Variants in PCDHGB1 observed in about 807,000 individuals in gnomAD.
PCDHGB1 encodes protocadherin gamma subfamily B, 1.
In PCDHGB1, 34 loss-of-function variants were observed where a neutral mutation model predicts 56.6. That is an observed-to-expected ratio of 0.60 (90% confidence interval 0.46 to 0.80). PCDHGB1 has a LOEUF of 0.80. Among genes scored for constraint, PCDHGB1 ranks in the 30% least tolerant of loss-of-function variants. PCDHGB1 has a pLI of 0.00. For synonymous variants in PCDHGB1, 561 were observed against 505.9 expected (o/e 1.11, Z -1.46); for missense variants, 1,278 against 1,204.6 (o/e 1.06, Z -0.90).
At chr5:141,499,835 C>T (rs931946377) in intron 2 of PCDHGB1, among the ~76,000 whole-genome samples, 2 of 151,916 alleles carry the variant, frequency 1.3e-5, no homozygotes, top group Admixed American at 6.6e-5. Flanking sequence ...TACAGGTGTG[C>T]ACCACCACAC....
At chr5:141,423,750 T>TGGGG (rs144521096) in intron 1 of PCDHGB1, 28 of 288,222 alleles carry the variant, frequency 9.7e-5, no homozygotes, top group Non-Finnish European at 1.2e-4. Flanking sequence ...GAAAACTGTT[T>TGGGG]GGGGGGGGGG....
intron 1 of PCDHGB1, chr5:141,403,819 T>A (rs1264553327): frequency 1.2e-6 from 2 of 1,613,784 alleles, no homozygotes; most frequent in Admixed American, 3.3e-5. Flanking sequence ...AAAAACAATC[T>A]CTGCTATTCC....
At chr5:141,371,657 G>A in intron 1 of PCDHGB1, 1 of 1,613,988 alleles carries the variant, frequency 6.2e-7, no homozygotes, top group Non-Finnish European at 8.5e-7. Context: ...ACAATGTGAC[G>A]ATCACAGCTA....
chr5:141,364,378 C>T (rs1453338344), intron 1 of PCDHGB1: 2 of 1,578,948 alleles, frequency 1.3e-6, no homozygotes, highest in Admixed American at 1.9e-5. Context: ...TGCTGCTGCC[C>T]TTCATGCTCC....
At chr5:141,456,984 C>T (rs374156327) in intron 1 of PCDHGB1, among the ~76,000 whole-genome samples, 1 of 152,082 alleles carries the variant, frequency 6.6e-6, no homozygotes, top group Admixed American at 6.6e-5. Flanking sequence ...AACAAACAAA[C>T]AAACAAAAAC....
In PCDHGB1 at chr5:141,476,299, C is replaced by G; in HGVS notation, c.2410-18508C>G. On this transcript the variant is annotated intron_variant, in intron 1 of 3. Transcript: ENST00000523390. This position sits in a 1 kb window ranked among gnomAD's most constrained non-coding sequence, Gnocchi z 7.6. The stretch of plus-strand genomic sequence containing the variant: ...ACCTTGGTTTGGATCTCGGTAGCCT[C>G]TCAGCCCGCAGGTTCCGGGTGGTGT... The G allele has an allele frequency of 6.2e-7, 1 of 1,614,100 alleles. No individual in the cohort carries two copies. The highest frequency in any genetic ancestry group is 8.5e-7 in the Non-Finnish European group (1 of 1,180,014).
At chr5:141,360,924 A>G (rs1475518154) in intron 1 of PCDHGB1, 3 of 1,614,006 alleles carry the variant, frequency 1.9e-6, no homozygotes, top group South Asian at 2.2e-5. Flanking sequence ...TTGTGCTTCA[A>G]GTGACAGCCA....
intron 1 of PCDHGB1, chr5:141,409,807 C>T (rs1561723178): frequency 1.2e-6 from 2 of 1,611,592 alleles, no homozygotes; most frequent in Non-Finnish European, 1.7e-6. Flanking sequence ...TGCAGGCCCG[C>T]GACCACGGCT....
chr5:141,403,717 G>GC (rs1561689685), intron 1 of PCDHGB1: 2 of 1,613,936 alleles, frequency 1.2e-6, no homozygotes, highest in South Asian at 2.2e-5. Flanking sequence ...TTGAGAACGT[G>GC]CCCCCAGGCA....
intron 1 of PCDHGB1, among the ~76,000 whole-genome samples, chr5:141,386,991 A>G (rs1218503150): frequency 6.6e-6 from 1 of 152,212 alleles, no homozygotes; most frequent in Non-Finnish European, 1.5e-5. Context: ...GAGGCTATGT[A>G]TTATCCCCCT....
Position 141,477,827 on chromosome 5 carries a change from C to T in PCDHGB1, c.2410-16980C>T, listed in dbSNP as rs2099419143. On this transcript the variant is annotated intron_variant, in intron 1 of 3. Coordinates refer to ENST00000523390, the MANE Select transcript of PCDHGB1 (RefSeq NM_018922.3). The surrounding 1 kb of genome is among the most constrained non-coding windows in gnomAD (Gnocchi z 4.9). ...CAATGCCCCCCAGGTCCTATATCCT[C>T]GGCCAGGTGGGAGCTCGGTGGAGAT... The T allele has an allele frequency of 1.2e-6, 2 of 1,614,038 alleles. No individual in the cohort carries two copies. Among genetic ancestry groups the T allele is most frequent in the African/African-American group, 1.3e-5 (1 of 74,928 alleles).
At chr5:141,460,341 C>T (rs557699438) in intron 1 of PCDHGB1, among the ~76,000 whole-genome samples, 39 of 152,110 alleles carry the variant, frequency 2.6e-4, no homozygotes, top group Admixed American at 2.4e-3. Flanking sequence ...ATGATTTTCT[C>T]CTATATTTTC....
At position 141,382,966 on chromosome 5, in the gene PCDHGB1, C is replaced by A. The variant is rs36077896; in HGVS notation, c.2409+30297C>A. ...CCTGCTCTCCATCCTCCTGGGGACC[C>A]CCTGGGAAGCCTGGGCAGGACGTAT... On this transcript the variant is annotated intron_variant, in intron 1 of 3. Coordinates refer to ENST00000523390, the MANE Select transcript of PCDHGB1 (RefSeq NM_018922.3). 1,675 of 1,609,050 alleles carry A rather than the reference C, an allele frequency of 1.0e-3. 6 individuals are homozygous for A. Among genetic ancestry groups the A allele is most frequent in the Middle Eastern group, 5.5e-3 (33 of 6,044 alleles).
intron 1 of PCDHGB1, among the ~76,000 whole-genome samples, chr5:141,461,390 C>T (rs1220034894): frequency 2.0e-5 from 3 of 152,080 alleles, no homozygotes; most frequent in East Asian, 3.9e-4. Context: ...TGATGATTAG[C>T]GATGTTGAGC....
chr5:141,377,605 C>CAAAAAA (rs71576112), intron 1 of PCDHGB1: 1 of 140,678 alleles, frequency 7.1e-6, no homozygotes. Flanking sequence ...CTCTCTCTCT[C>CAAAAAA]AAAAAAAAAA....
chr5:141,438,254 A>G (rs916664408), intron 1 of PCDHGB1, among the ~76,000 whole-genome samples: 1 of 152,170 alleles, frequency 6.6e-6, no homozygotes, highest in Non-Finnish European at 1.5e-5. Context: ...CTGTCATTGA[A>G]GAGACCATAG....
At position 141,491,422 on chromosome 5, in the gene PCDHGB1, G is replaced by T. The variant is rs1413549196; in HGVS notation, c.2410-3385G>T. 1 of 1,614,112 alleles carries T rather than the reference G, an allele frequency of 6.2e-7. No homozygotes were observed. The stretch of plus-strand genomic sequence containing the variant: ...AAACGCAGACGGGGACGGGGGTGGA[G>T]GGCAGTGCTGCAGGCGCCAGGACTC... On this transcript the variant is annotated intron_variant, in intron 1 of 3. Coordinates refer to ENST00000523390, the MANE Select transcript of PCDHGB1 (RefSeq NM_018922.3). The surrounding 1 kb of genome is among the most constrained non-coding windows in gnomAD (Gnocchi z 6.9).
rs751976949 is a variant in PCDHGB1, at chr5:141,414,873, C to A, written c.2409+62204C>A. The A allele has an allele frequency of 6.2e-6, 10 of 1,614,108 alleles. No homozygotes were observed. The Admixed American group carries it at 1.2e-4, about 19-fold the overall frequency. ...ACCAGAACGACAATGCGCCCGAGAT[C>A]CTGTACCCCGCCCTCCCCACAGACG... On this transcript the variant is annotated intron_variant, in intron 1 of 3. Transcript: ENST00000523390.
At chr5:141,422,888 T>C in intron 1 of PCDHGB1, 2 of 1,614,262 alleles carry the variant, frequency 1.2e-6, no homozygotes, top group South Asian at 2.2e-5. Flanking sequence ...CTGTTCGTGC[T>C]GGACCAGAAC....
Sources: allele counts gnomAD v4.1 joint callset (sites outside exome capture counted in the v4.1 genomes callset), GRCh38; gene constraint gnomAD v4.1.1; non-coding constraint Gnocchi (gnomAD v3.1); transcripts MANE v1.5; gene names NCBI Gene and HGNC (gene_info 2026-07-23, HGNC 2026-07-21).